NCKAP5: variants seen among roughly 807,000 people sequenced by gnomAD.
The protein encoded by NCKAP5 is nck-associated protein 5.
In NCKAP5, 92 loss-of-function variants were observed where a neutral mutation model predicts 167.0. That is an observed-to-expected ratio of 0.55 (90% CI 0.47 to 0.66). The LOEUF (loss-of-function observed/expected upper bound fraction) is 0.66. NCKAP5 is among the 30% of genes least tolerant of loss of function. NCKAP5 has a pLI of 0.00. For synonymous variants in NCKAP5, 891 were observed against 877.4 expected, an observed-to-expected ratio of 1.02 and a Z score of -0.27; for missense variants, 2,378 against 2,315.0, an observed-to-expected ratio of 1.03 and a Z score of -0.56.
At chr2:132,723,427 G>A (rs1189400239) in intron 19 of NCKAP5, among the ~76,000 whole-genome samples, 1 of 152,114 alleles carries the variant, frequency 6.6e-6, no homozygotes, top group African/African-American at 2.4e-5. Context: ...CTCCCAAAGT[G>A]CTGGGATTAC....
At chr2:133,089,281 G>C (rs941299722) in intron 6 of NCKAP5, among the ~76,000 whole-genome samples, 5 of 152,208 alleles carry the variant, frequency 3.3e-5, no homozygotes, top group Non-Finnish European at 7.3e-5. Flanking sequence ...GAATGGGAAT[G>C]TGACAAGTAC....
At chr2:133,056,653 C>G (rs1383761645) in intron 6 of NCKAP5, among the ~76,000 whole-genome samples, 1 of 152,172 alleles carries the variant, frequency 6.6e-6, no homozygotes, top group Admixed American at 6.5e-5. Flanking sequence ...TTTAAACCAA[C>G]AAGTATTTAT....
intron 8 of NCKAP5, among the ~76,000 whole-genome samples, chr2:132,883,535 C>T (rs1691959074): frequency 6.6e-6 from 1 of 152,160 alleles, no homozygotes; most frequent in Non-Finnish European, 1.5e-5. Flanking sequence ...CCTCTTTCCC[C>T]TTTATCTCCT....
At chr2:133,002,608 C>T (rs1055519424) in intron 6 of NCKAP5, among the ~76,000 whole-genome samples, 8 of 152,236 alleles carry the variant, frequency 5.3e-5, no homozygotes, top group African/African-American at 9.6e-5. Flanking sequence ...TATGTCCTGC[C>T]CACTGGGTAC....
chr2:133,574,603 CTTTTTTTTTTT>C, the NCKAP5 span, among the ~76,000 whole-genome samples: 3,130 of 127,226 alleles, frequency 0.025, 54 homozygotes, highest in Non-Finnish European at 0.03. Context: ...TTCTTCTTTC[CTTTTTTTTTTT>C]TTTTTTTTGG....
intron 8 of NCKAP5, among the ~76,000 whole-genome samples, chr2:132,929,650 A>C (rs1696207174): frequency 1.3e-5 from 2 of 152,192 alleles, no homozygotes; most frequent in African/African-American, 4.8e-5. Flanking sequence ...CAAGCATAGC[A>C]AAGCTCTGTG....
chr2:133,674,029 G>C, the NCKAP5 span, among the ~76,000 whole-genome samples: 1 of 152,170 alleles, frequency 6.6e-6, no homozygotes, highest in Non-Finnish European at 1.5e-5. Flanking sequence ...TCCAAGAGCT[G>C]GGTATTTACT....
intron 6 of NCKAP5, among the ~76,000 whole-genome samples, chr2:133,072,138 G>T (rs1014727514): frequency 1.3e-5 from 2 of 151,200 alleles, no homozygotes; most frequent in Admixed American, 1.3e-4. Flanking sequence ...AGGCTGGAGT[G>T]CAATGGCATG....
At chr2:133,206,802 A>G (rs1312878867) in intron 5 of NCKAP5, among the ~76,000 whole-genome samples, 1 of 152,168 alleles carries the variant, frequency 6.6e-6, no homozygotes, top group Non-Finnish European at 1.5e-5. Context: ...CCAGCAAGGA[A>G]TAACCCTGGG....
intron 3 of NCKAP5, among the ~76,000 whole-genome samples, chr2:133,470,767 C>T (rs544397350): frequency 6.6e-6 from 1 of 152,314 alleles, no homozygotes; most frequent in African/African-American, 2.4e-5. Context: ...GGGAGTGACC[C>T]GATTTTCCAG....
intron 4 of NCKAP5, among the ~76,000 whole-genome samples, chr2:133,270,552 C>T (rs1029180108): frequency 6.6e-6 from 1 of 152,156 alleles, no homozygotes; most frequent in East Asian, 1.9e-4. Context: ...ACGCTGACTT[C>T]CTAAAGCTAA....
intron 6 of NCKAP5, among the ~76,000 whole-genome samples, chr2:133,030,155 T>G (rs1404039912): frequency 6.6e-6 from 1 of 152,176 alleles, no homozygotes; most frequent in East Asian, 1.9e-4. Context: ...AAATAAGAAG[T>G]TTAATCACTG....
At chr2:133,092,071 T>C (rs971270375) in intron 6 of NCKAP5, among the ~76,000 whole-genome samples, 2 of 152,170 alleles carry the variant, frequency 1.3e-5, no homozygotes, top group Non-Finnish European at 2.9e-5. Context: ...ACATGATCAG[T>C]TCATGGCCAC....
chr2:132,764,390 G>A (rs983075299), intron 16 of NCKAP5, among the ~76,000 whole-genome samples: 1 of 152,186 alleles, frequency 6.6e-6, no homozygotes, highest in Non-Finnish European at 1.5e-5. Context: ...TACATTTCAG[G>A]TTGCCTTTGC....
the NCKAP5 span, among the ~76,000 whole-genome samples, chr2:133,615,621 C>A: frequency 6.6e-6 from 1 of 152,156 alleles, no homozygotes; most frequent in Non-Finnish European, 1.5e-5. Flanking sequence ...TATAGATGCA[C>A]CCAATACAGG....
intron 19 of NCKAP5, among the ~76,000 whole-genome samples, chr2:132,682,907 CAG>C (rs1463831613): frequency 6.8e-6 from 1 of 146,452 alleles, no homozygotes; most frequent in Non-Finnish European, 1.5e-5. Context: ...TTTTTTGAGA[CAG>C]AGTCTCACTC....
At chr2:133,498,155 G>A (rs1682106602) in intron 3 of NCKAP5, among the ~76,000 whole-genome samples, 1 of 152,144 alleles carries the variant, frequency 6.6e-6, no homozygotes, top group African/African-American at 2.4e-5. Flanking sequence ...ATTTGTGGCT[G>A]TTTTTGTAAA....
chr2:133,383,038 T>C (rs1427385395), intron 3 of NCKAP5, among the ~76,000 whole-genome samples: 1 of 152,132 alleles, frequency 6.6e-6, no homozygotes, highest in Non-Finnish European at 1.5e-5. Context: ...CATGTAAAAG[T>C]GATGCATTCT....
chr2:133,414,118 C>A (rs951830829), intron 3 of NCKAP5, among the ~76,000 whole-genome samples: 2 of 152,140 alleles, frequency 1.3e-5, no homozygotes, highest in Non-Finnish European at 2.9e-5. Flanking sequence ...AAATGTCACG[C>A]CACAGCAATT....
Sources: gnomAD v4.1 joint callset for allele counts (sites outside exome capture counted in the v4.1 genomes callset) on GRCh38, gnomAD v4.1.1 for gene constraint, MANE v1.5 for transcripts, NCBI Gene and HGNC (gene_info 2026-07-23, HGNC 2026-07-21) for gene names.